USP20: variants seen among roughly 807,000 people sequenced by gnomAD.
The protein encoded by USP20 is ubiquitin carboxyl-terminal hydrolase 20.
A neutral mutation model predicts 124.2 loss-of-function variants in USP20; 80 were observed. The ratio of observed to expected loss-of-function variants is 0.64; its 90% CI spans 0.54 to 0.78. The LOEUF (loss-of-function observed/expected upper bound fraction) is 0.78. Among genes scored for constraint, USP20 ranks in the 30% least tolerant of loss-of-function variants. The probability of loss-of-function intolerance (pLI) is 0.00; values close to 1 mark genes in which losing one functional copy is unlikely to be tolerated. For synonymous variants in USP20, 481 were observed against 512.3 expected, an observed-to-expected ratio of 0.94 and a Z score of 0.83; for missense variants, 1,043 against 1,244.4, an observed-to-expected ratio of 0.84 and a Z score of 2.44.
rs1415094720 is a variant in USP20, at chr9:129,879,466, C to G, written c.2513-107C>G. 5.2e-6 allele frequency: 6 copies of G among 1,144,382 alleles called. No individual in the cohort carries two copies. The African/African-American group carries it at 9.2e-5, about 18-fold the overall frequency. 70.9% of individuals were successfully genotyped at this position (1,144,382 alleles called of 1,614,324 possible). A position where few individuals can be genotyped will look rare whatever the true frequency, so the allele number is the denominator to read the frequency against. On this transcript the variant is annotated intron_variant, in intron 23 of 25. Transcript: ENST00000372429. This position sits in a 1 kb window ranked among gnomAD's most constrained non-coding sequence, Gnocchi z 4.2. ...CAGGCGCCTCATCCATTAGAGACTT[C>G]ACGCTGACCCCCAGGCCTGGGGCGG...
chr9:129,849,404 TCCTC>T (rs993125384), intron 1 of USP20, among the ~76,000 whole-genome samples: 3 of 152,062 alleles, frequency 2.0e-5, no homozygotes, highest in African/African-American at 7.2e-5. Context: ...TGAAATTAGT[TCCTC>T]CCAGGAGGAA....
chr9:129,869,204 T>C, intron 12 of USP20, 106 bp from the exon 13 acceptor site: 1 of 1,345,076 alleles, frequency 7.4e-7, no homozygotes, highest in Middle Eastern at 2.1e-4. Context: ...CCCAGTCATG[T>C]GACTCACGGA....
At chr9:129,854,396 T>A (rs1380631302) in intron 3 of USP20, among the ~76,000 whole-genome samples, 1 of 152,110 alleles carries the variant, frequency 6.6e-6, no homozygotes, top group Admixed American at 6.5e-5. Flanking sequence ...GTGTCCAGAG[T>A]GTGCAGTTAT....
chr9:129,843,926 G>C (rs2032383570), intron 1 of USP20, among the ~76,000 whole-genome samples: 1 of 152,076 alleles, frequency 6.6e-6, no homozygotes, highest in African/African-American at 2.4e-5. Flanking sequence ...AAGTAGCCAG[G>C]CTTGGTAGTG....
rs372407436 is a variant in USP20, at chr9:129,850,652, T to TTGTG, written c.-17+742_-17+745dup. Reference sequence around the variant, plus strand: ...AGCTTCTGCCTTTGTTTTTTGTTTTTTGTGTGTGTGTGTGTGTTTTGGGAT... The same window carrying TTGTG: ...AGCTTCTGCCTTTGTTTTTTGTTTTTTGTGTGTGTGTGTGTGTGTGTTTTGGGAT... On this transcript the variant is annotated intron_variant, in intron 2 of 25. Transcript: ENST00000372429. Among the ~76,000 whole-genome samples the TTGTG allele has an allele frequency of 1.4e-4, 21 of 151,340 alleles. No individual in the cohort carries two copies. In the East Asian group the frequency reaches 2.9e-3, roughly 21 times the overall value.
chr9:129,880,352 C>G (rs2034591307), intron 25 of USP20, 63 bp downstream of exon 25: 4 of 1,477,544 alleles, frequency 2.7e-6, no homozygotes, highest in African/African-American at 2.8e-5. Flanking sequence ...TCCAGAGACC[C>G]TCACATGTCC....
chr9:129,837,424 C>T (rs2031925821), intron 1 of USP20, among the ~76,000 whole-genome samples: 1 of 152,178 alleles, frequency 6.6e-6, no homozygotes. Context: ...AGGGAGCATT[C>T]ATGTCCGATT....
At chr9:129,844,845 G>C (rs2032447198) in intron 1 of USP20, among the ~76,000 whole-genome samples, 1 of 151,812 alleles carries the variant, frequency 6.6e-6, no homozygotes, top group African/African-American at 2.4e-5. Context: ...AGTAGGAGAA[G>C]ATGAAAAATT....
At chr9:129,850,082 G>T in intron 2 of USP20, among the ~76,000 whole-genome samples, 158 bp downstream of exon 2, 1 of 152,008 alleles carries the variant, frequency 6.6e-6, no homozygotes, top group Non-Finnish European at 1.5e-5. Flanking sequence ...TCGCCTGTGT[G>T]TCTGGGACTT....
chr9:129,851,258 CTT>C (rs35791819), intron 2 of USP20, among the ~76,000 whole-genome samples: 47 of 126,180 alleles, frequency 3.7e-4, no homozygotes, highest in South Asian at 5.0e-4. Context: ...ATAACACATA[CTT>C]TTTTTTTTTT....
chr9:129,871,462 T>C (rs986145735), intron 15 of USP20, among the ~76,000 whole-genome samples: 28 of 152,228 alleles, frequency 1.8e-4, no homozygotes, highest in African/African-American at 6.8e-4. Flanking sequence ...TGTTAGCTAT[T>C]GTGAGGAATG....
At chr9:129,837,545 G>GA (rs34934270) in intron 1 of USP20, among the ~76,000 whole-genome samples, 28,542 of 152,094 alleles carry the variant, frequency 0.19, 3,200 homozygotes, top group South Asian at 0.26. Flanking sequence ...TTTACTATAT[G>GA]AGCAGGCACT....
At chr9:129,865,425 C>T (rs370968464) in intron 10 of USP20, 44 bp downstream of exon 10, 3 of 1,603,462 alleles carry the variant, frequency 1.9e-6, no homozygotes, top group Non-Finnish European at 2.6e-6. Context: ...GGCCATGACC[C>T]ACCAGGCCTG....
intron 1 of USP20, among the ~76,000 whole-genome samples, chr9:129,840,735 A>G (rs7869113): frequency 0.041 from 6,227 of 150,970 alleles, 447 homozygotes; most frequent in African/African-American, 0.14. Flanking sequence ...ATTATCATAC[A>G]TAACCAAAGC....
At chr9:129,849,960 C>T (rs1329575548) in intron 2 of USP20, 36 bp downstream of exon 2, 5 of 152,038 alleles carry the variant, frequency 3.3e-5, no homozygotes, top group Non-Finnish European at 4.4e-5. Context: ...CCCTTCAACA[C>T]GGACTGAGGA....
At chr9:129,849,415 G>A (rs1374899033) in intron 1 of USP20, among the ~76,000 whole-genome samples, 1 of 152,180 alleles carries the variant, frequency 6.6e-6, no homozygotes, top group Non-Finnish European at 1.5e-5. Flanking sequence ...CCTCCCAGGA[G>A]GAATGCTGGG....
At chr9:129,861,743 G>T (rs919452530) in intron 8 of USP20, 131 bp downstream of exon 8, 5 of 778,262 alleles carry the variant, frequency 6.4e-6, no homozygotes, top group East Asian at 5.4e-5. Context: ...CTGAAAGCAT[G>T]TATACCCTTT....
intron 1 of USP20, among the ~76,000 whole-genome samples, chr9:129,846,671 C>T (rs184154245): frequency 4.7e-4 from 71 of 150,402 alleles, no homozygotes; most frequent in African/African-American, 1.1e-3. Context: ...TCACCCAGGC[C>T]GGAGTGCAGT....
At chr9:129,857,077 A>G (rs2033254151) in intron 4 of USP20, among the ~76,000 whole-genome samples, 1 of 151,868 alleles carries the variant, frequency 6.6e-6, no homozygotes, top group Non-Finnish European at 1.5e-5. Context: ...ACCCACGAGT[A>G]AAAACAACAA....
Sources: allele counts gnomAD v4.1 joint callset (sites outside exome capture counted in the v4.1 genomes callset), GRCh38; gene constraint gnomAD v4.1.1; non-coding constraint Gnocchi (gnomAD v3.1); transcripts MANE v1.5; gene names NCBI Gene and HGNC (gene_info 2026-07-23, HGNC 2026-07-21).